CTNNA3: variants seen among roughly 807,000 people sequenced by gnomAD.
The protein encoded by CTNNA3 is catenin alpha 3, also known as catenin alpha-3.
CTNNA3 carries 76 observed loss-of-function variants against 95.7 expected under a neutral mutation model. The observed-to-expected ratio is 0.79, with a 90% confidence interval of 0.66 to 0.96. The LOEUF is 0.96. CTNNA3 is among the 40% of genes least tolerant of loss of function. The pLI, the probability that CTNNA3 is intolerant of heterozygous loss-of-function variation, is 0.00. For missense variants in CTNNA3, 1,191 were observed against 1,089.8 expected, an observed-to-expected ratio of 1.09 and a Z score of -1.31; for synonymous variants, 431 against 374.4, an observed-to-expected ratio of 1.15 and a Z score of -1.74.
At chr10:66,048,984 C>G (rs1456151814) in intron 15 of CTNNA3, among the ~76,000 whole-genome samples, 1 of 151,850 alleles carries the variant, frequency 6.6e-6, no homozygotes, top group African/African-American at 2.4e-5. Context: ...AAAAAAAACT[C>G]TTAACAGGGT....
chr10:67,762,867 G>A (rs1393866529), intron 1 of CTNNA3, among the ~76,000 whole-genome samples: 1 of 152,100 alleles, frequency 6.6e-6, no homozygotes, highest in Non-Finnish European at 1.5e-5. Flanking sequence ...AATTACCGGT[G>A]CATGCAGCCC....
rs546128661 is a variant in CTNNA3, at chr10:66,766,300, A to C, written c.1245T>G (p.Ala415=). Residue 415 remains alanine (A), a synonymous_variant, in exon 9 of 18, where the codon GCT becomes GCG. Coordinates refer to ENST00000433211, the MANE Select transcript of CTNNA3 (RefSeq NM_013266.4). The stretch of plus-strand genomic sequence containing the variant: ...TGCTGGTGTGTTCATGAAATATCGC[A>C]GCATATTCTTTTATTTCCTTTTCCC... ...NGREKEIKEY[A]AIFHEHTSRL... The C allele has an allele frequency of 2.5e-6, 4 of 1,613,942 alleles. No individual in the cohort carries two copies. Among genetic ancestry groups the C allele is most frequent in the Non-Finnish European group, 3.4e-6 (4 of 1,179,912 alleles).
intron 7 of CTNNA3, among the ~76,000 whole-genome samples, chr10:67,122,743 G>A (rs1859531705): frequency 6.6e-6 from 1 of 152,018 alleles, no homozygotes; most frequent in Non-Finnish European, 1.5e-5. Context: ...TCCTACTTAG[G>A]ATTTTAATAC....
intron 5 of CTNNA3, among the ~76,000 whole-genome samples, chr10:67,410,880 G>A (rs1312794110): frequency 6.6e-6 from 1 of 152,048 alleles, no homozygotes; most frequent in African/African-American, 2.4e-5. Context: ...TAAAAACAAA[G>A]GAAAGCTTTT....
chr10:66,909,284 G>T (rs1846121845), intron 7 of CTNNA3, among the ~76,000 whole-genome samples: 1 of 152,078 alleles, frequency 6.6e-6, no homozygotes, highest in African/African-American at 2.4e-5. Flanking sequence ...GGAGGCCAAG[G>T]CAGATGGATC....
At chr10:66,020,730 C>T (rs1215396502) in intron 15 of CTNNA3, among the ~76,000 whole-genome samples, 2 of 147,818 alleles carry the variant, frequency 1.4e-5, no homozygotes, top group Non-Finnish European at 3.0e-5. Flanking sequence ...TGCAATGGCA[C>T]GATCTCTGCT....
At chr10:66,542,262 G>A (rs560223430) in intron 10 of CTNNA3, among the ~76,000 whole-genome samples, 2 of 152,082 alleles carry the variant, frequency 1.3e-5, no homozygotes, top group South Asian at 2.1e-4. Flanking sequence ...AGGATGTGGA[G>A]AAATAGGAAC....
chr10:67,333,802 CTAGATTA>C (rs1299252391), intron 5 of CTNNA3, among the ~76,000 whole-genome samples: 1 of 148,112 alleles, frequency 6.8e-6, no homozygotes, highest in Non-Finnish European at 1.5e-5. Context: ...GAGAGGTCTA[CTAGATTA>C]TACATGGCAC....
At chr10:66,737,961 T>C (rs1044457874) in intron 9 of CTNNA3, among the ~76,000 whole-genome samples, 2 of 152,132 alleles carry the variant, frequency 1.3e-5, no homozygotes, top group African/African-American at 4.8e-5. Flanking sequence ...CCGGCCAAAA[T>C]TTGTGCTTTT....
At chr10:67,510,646 CT>C (rs966058914) in intron 5 of CTNNA3, among the ~76,000 whole-genome samples, 1 of 152,088 alleles carries the variant, frequency 6.6e-6, no homozygotes, top group Non-Finnish European at 1.5e-5. Context: ...CAGTTTTGTT[CT>C]TTTTGCTTAG....
rs375640048 is a variant in CTNNA3, at chr10:67,740,949, T to C, written c.-2+22485A>G. Among the ~76,000 whole-genome samples the C allele has an allele frequency of 1.7e-4, 25 of 151,160 alleles. 1 individual carries two copies. Among genetic ancestry groups the C allele is most frequent in the South Asian group, 8.5e-4 (4 of 4,682 alleles). On this transcript the variant is annotated intron_variant, in intron 1 of 17. Transcript: ENST00000684154. ...GATAGACTGGATTAAGAAAATGTGGTACATATACACCATGGAATACTATGC... is the reference window on the plus strand; with the variant it reads ...GATAGACTGGATTAAGAAAATGTGGCACATATACACCATGGAATACTATGC...
chr10:67,751,836 CAA>C (rs34653199), intron 1 of CTNNA3, among the ~76,000 whole-genome samples: 19 of 93,130 alleles, frequency 2.0e-4, no homozygotes, highest in Non-Finnish European at 2.4e-4. Flanking sequence ...AGCTACCAAC[CAA>C]AAAAAAAAAA....
At chr10:67,755,591 C>T (rs1277687202) in intron 1 of CTNNA3, among the ~76,000 whole-genome samples, 1 of 151,938 alleles carries the variant, frequency 6.6e-6, no homozygotes, top group East Asian at 1.9e-4. Context: ...CATTTGAGGT[C>T]AGGAGTTTGA....
chr10:66,383,277 G>C (rs2092857463), intron 11 of CTNNA3, among the ~76,000 whole-genome samples: 1 of 152,138 alleles, frequency 6.6e-6, no homozygotes, highest in Non-Finnish European at 1.5e-5. Flanking sequence ...GAAAACCATG[G>C]CACAAGAACT....
chr10:66,396,578 T>C (rs2092979826), intron 11 of CTNNA3, among the ~76,000 whole-genome samples: 1 of 152,020 alleles, frequency 6.6e-6, no homozygotes, highest in South Asian at 2.1e-4. Flanking sequence ...TAGAAATGTT[T>C]ATGAGTAATT....
intron 7 of CTNNA3, among the ~76,000 whole-genome samples, chr10:66,952,916 T>C (rs1848608751): frequency 6.6e-6 from 1 of 152,038 alleles, no homozygotes; most frequent in Non-Finnish European, 1.5e-5. Flanking sequence ...CACAGTAGTG[T>C]TACAGCCGTT....
At chr10:66,928,452 G>A in intron 7 of CTNNA3, 1 of 1,595,160 alleles carries the variant, frequency 6.3e-7, no homozygotes, top group Non-Finnish European at 8.5e-7. Context: ...GGGAGTGTGA[G>A]GTATGAACCA....
intron 13 of CTNNA3, among the ~76,000 whole-genome samples, chr10:66,122,756 G>A (rs1448367923): frequency 1.3e-5 from 2 of 152,234 alleles, no homozygotes; most frequent in Admixed American, 6.5e-5. Context: ...AGAAGGCAAT[G>A]AGAAGCAAGT....
At chr10:66,158,558 G>A (rs2084674828) in intron 13 of CTNNA3, among the ~76,000 whole-genome samples, 2 of 152,116 alleles carry the variant, frequency 1.3e-5, no homozygotes, top group South Asian at 4.1e-4. Flanking sequence ...TGGCCTTATA[G>A]GATAGTTTGA....
Sources: gnomAD v4.1 joint callset for allele counts (sites outside exome capture counted in the v4.1 genomes callset) on GRCh38, gnomAD v4.1.1 for gene constraint, MANE v1.5 for transcripts, NCBI Gene and HGNC (gene_info 2026-07-23, HGNC 2026-07-21) for gene names.